OPCML: variants seen among roughly 807,000 people sequenced by gnomAD.
OPCML encodes opioid-binding protein/cell adhesion molecule.
Under a neutral mutation model 37.8 loss-of-function variants are expected in OPCML, and 13 were observed. The ratio of observed to expected loss-of-function variants is 0.34; its 90% CI spans 0.22 to 0.55. OPCML has a LOEUF of 0.55. Ranked by LOEUF, OPCML falls within the 20% of genes least tolerant of loss-of-function variation. The pLI, the probability that OPCML is intolerant of heterozygous loss-of-function variation, is 0.91. For missense variants in OPCML, 341 were observed against 435.6 expected (o/e 0.78, Z 1.93); for synonymous variants, 176 against 168.8 (o/e 1.04, Z -0.33).
chr11:132,531,545 G>T (rs528979344), intron 3 of OPCML, among the ~76,000 whole-genome samples: 88 of 152,238 alleles, frequency 5.8e-4, no homozygotes, highest in African/African-American at 2.1e-3. Flanking sequence ...GAAGCCAAGA[G>T]TAAAAAGTAG....
chr11:132,435,236 A>G (rs992649830), intron 7 of OPCML: 35 of 1,289,662 alleles, frequency 2.7e-5, no homozygotes, highest in Non-Finnish European at 3.3e-5. Context: ...AAAACAAAAG[A>G]CATAGATCAC....
intron 1 of OPCML, among the ~76,000 whole-genome samples, chr11:133,045,871 A>G (rs546950572): frequency 6.6e-6 from 1 of 152,348 alleles, no homozygotes; most frequent in East Asian, 1.9e-4. Context: ...AAATTAGGGC[A>G]CTGTGATGGC....
At chr11:133,385,590 C>T (rs184099528) in intron 1 of OPCML, among the ~76,000 whole-genome samples, 1 of 152,110 alleles carries the variant, frequency 6.6e-6, no homozygotes, top group Admixed American at 6.5e-5. Context: ...CAGTCTCCAG[C>T]CTAGCTGTTT....
At chr11:133,365,325 G>A (rs1243863051) in intron 1 of OPCML, 3 of 152,934 alleles carry the variant, frequency 2.0e-5, no homozygotes, top group African/African-American at 7.2e-5. Context: ...CACAATTCTG[G>A]AGGCTGGAAG....
At chr11:133,079,017 CTT>C (rs1948668298) in intron 1 of OPCML, among the ~76,000 whole-genome samples, 1 of 152,172 alleles carries the variant, frequency 6.6e-6, no homozygotes, top group African/African-American at 2.4e-5. Context: ...AGTTCTCCCT[CTT>C]GTTGATCCAA....
chr11:133,284,965 G>A (rs1328849551), intron 1 of OPCML, among the ~76,000 whole-genome samples: 1 of 151,944 alleles, frequency 6.6e-6, no homozygotes, highest in Non-Finnish European at 1.5e-5. Context: ...GTGGGGGTGG[G>A]GTGAGGGGTC....
chr11:133,529,248 C>T (rs1280106632), intron 1 of OPCML, among the ~76,000 whole-genome samples: 1 of 152,200 alleles, frequency 6.6e-6, no homozygotes, highest in African/African-American at 2.4e-5. Context: ...ACAGGGACTC[C>T]ACATTTTAAC....
chr11:133,531,039 A>C (rs1030073195), intron 1 of OPCML, among the ~76,000 whole-genome samples: 17 of 152,324 alleles, frequency 1.1e-4, no homozygotes, highest in Non-Finnish European at 2.4e-4. Flanking sequence ...ATATGTATGA[A>C]AATTTAGGTT....
At chr11:133,210,099 G>T (rs1432550633) in intron 1 of OPCML, among the ~76,000 whole-genome samples, 1 of 152,210 alleles carries the variant, frequency 6.6e-6, no homozygotes, top group African/African-American at 2.4e-5. Context: ...GCATGTGCCT[G>T]ACAGACGAAG....
chr11:132,540,541 G>A (rs1368298698), intron 3 of OPCML, among the ~76,000 whole-genome samples: 1 of 152,172 alleles, frequency 6.6e-6, no homozygotes, highest in Non-Finnish European at 1.5e-5. Flanking sequence ...TATACTCTGA[G>A]TGTGAATGAG....
intron 1 of OPCML, among the ~76,000 whole-genome samples, chr11:132,947,687 A>G (rs1313825536): frequency 6.6e-6 from 1 of 152,210 alleles, no homozygotes; most frequent in Non-Finnish European, 1.5e-5. Flanking sequence ...AGGACTAAGT[A>G]GTTTATGTCA....
intron 3 of OPCML, among the ~76,000 whole-genome samples, chr11:132,645,870 A>G (rs1941122589): frequency 6.6e-6 from 1 of 152,250 alleles, no homozygotes; most frequent in African/African-American, 2.4e-5. Context: ...GTGTAAATAC[A>G]GAGCATTTCC....
At chr11:132,926,976 T>C (rs1591812581) in intron 2 of OPCML, among the ~76,000 whole-genome samples, 1 of 152,026 alleles carries the variant, frequency 6.6e-6, no homozygotes, top group East Asian at 1.9e-4. Context: ...ATCAGTGAAC[T>C]TGAAGACATA....
At chr11:133,406,060 T>C (rs1255041642) in intron 1 of OPCML, among the ~76,000 whole-genome samples, 1 of 152,200 alleles carries the variant, frequency 6.6e-6, no homozygotes, top group East Asian at 1.9e-4. Flanking sequence ...GGGTACGGAC[T>C]GTGTCTAATT....
chr11:133,177,220 G>C lies in OPCML; in HGVS notation c.62-234210C>G, dbSNP rs1227606204. ...CACAGCAACGTGTGTCTGTGTGCCT[G>C]TTGATAGCGTCTGATCCAAGCAGGG... On this transcript the variant is annotated intron_variant, in intron 1 of 7. Transcript: ENST00000524381. This position sits in a 1 kb window ranked among gnomAD's most constrained non-coding sequence, Gnocchi z 5.0. Among the ~76,000 whole-genome samples the C allele has an allele frequency of 6.6e-6, 1 of 152,246 alleles. No individual in the cohort carries two copies. The highest frequency in any genetic ancestry group is 1.5e-5 in the Non-Finnish European group (1 of 68,044).
At chr11:133,229,233 G>T (rs1444632961) in intron 1 of OPCML, among the ~76,000 whole-genome samples, 1 of 152,190 alleles carries the variant, frequency 6.6e-6, no homozygotes, top group African/African-American at 2.4e-5. Context: ...TTCATGATTG[G>T]AGGGCAGCTC....
intron 1 of OPCML, among the ~76,000 whole-genome samples, chr11:133,078,002 T>C (rs901936526): frequency 3.3e-5 from 5 of 152,130 alleles, no homozygotes; most frequent in African/African-American, 1.2e-4. Flanking sequence ...TAGGGAGGAA[T>C]CTGGTAACTC....
chr11:132,823,521 A>G (rs1389254927), intron 2 of OPCML, among the ~76,000 whole-genome samples: 1 of 151,406 alleles, frequency 6.6e-6, no homozygotes, highest in East Asian at 1.9e-4. Flanking sequence ...CATCATCAAT[A>G]TACGCTTCTC....
intron 1 of OPCML, among the ~76,000 whole-genome samples, chr11:133,049,556 GCAAAA>G (rs1233235601): frequency 1.3e-5 from 2 of 152,196 alleles, no homozygotes; most frequent in African/African-American, 4.8e-5. Context: ...CCAAAGCAAA[GCAAAA>G]CAAAAGAGAA....
Sources: allele counts gnomAD v4.1 joint callset (sites outside exome capture counted in the v4.1 genomes callset), GRCh38; gene constraint gnomAD v4.1.1; non-coding constraint Gnocchi (gnomAD v3.1); transcripts MANE v1.5; gene names NCBI Gene and HGNC (gene_info 2026-07-23, HGNC 2026-07-21).